LEPR: variants seen among roughly 807,000 people sequenced by gnomAD.
LEPR encodes the protein leptin receptor, also known as OB receptor.
A neutral mutation model predicts 114.7 loss-of-function variants in LEPR; 56 were observed. The ratio of observed to expected loss-of-function variants is 0.49; its 90% CI spans 0.39 to 0.61. LEPR has a LOEUF of 0.61. Among genes scored for constraint, LEPR ranks in the 20% least tolerant of loss-of-function variants. The pLI, the probability that LEPR is intolerant of heterozygous loss-of-function variation, is 0.00. For synonymous variants in LEPR, 443 were observed against 461.4 expected (o/e 0.96, Z 0.51); for missense variants, 1,202 against 1,352.9 (o/e 0.89, Z 1.75).
At chr1:65,587,831 A>G (rs540670857) in intron 5 of LEPR, among the ~76,000 whole-genome samples, 1 of 152,142 alleles carries the variant, frequency 6.6e-6, no homozygotes, top group African/African-American at 2.4e-5. Flanking sequence ...GCAGAGAAAG[A>G]CTAGGGTCTA....
At chr1:65,617,727 A>G (rs1570830128) in intron 15 of LEPR, among the ~76,000 whole-genome samples, 1 of 152,304 alleles carries the variant, frequency 6.6e-6, no homozygotes, top group Non-Finnish European at 1.5e-5. Context: ...ATATCAAAAA[A>G]TTGCTTTTTA....
intron 2 of LEPR, among the ~76,000 whole-genome samples, chr1:65,478,178 G>A (rs1647179307): frequency 6.6e-6 from 1 of 152,184 alleles, no homozygotes; most frequent in African/African-American, 2.4e-5. Flanking sequence ...GGAAGACCAA[G>A]TTTAGTGGAA....
intron 18 of LEPR, among the ~76,000 whole-genome samples, chr1:65,621,867 C>T (rs1318280580): frequency 1.3e-5 from 2 of 151,588 alleles, no homozygotes; most frequent in African/African-American, 4.9e-5. Flanking sequence ...TGGAATGTCT[C>T]TGGGAGGAGG....
intron 14 of LEPR, 92 bp from the exon 15 acceptor site, chr1:65,615,916 T>C (rs1657497108): frequency 8.4e-6 from 13 of 1,551,354 alleles, no homozygotes; most frequent in Non-Finnish European, 1.1e-5. Context: ...CCCTGCCTCC[T>C]AATAAGAAAT....
intron 2 of LEPR, chr1:65,435,559 G>A (rs1044676956): frequency 7.6e-5 from 35 of 459,210 alleles, no homozygotes; most frequent in African/African-American, 3.4e-4. Flanking sequence ...TAGTAAAGAC[G>A]GGTTTCATCG....
At chr1:65,515,315 C>T (rs767016584) in intron 2 of LEPR, among the ~76,000 whole-genome samples, 81 of 152,128 alleles carry the variant, frequency 5.3e-4, no homozygotes, top group Non-Finnish European at 1.1e-3. Flanking sequence ...TAAACTTTAT[C>T]CTGTAGGCAG....
intron 2 of LEPR, among the ~76,000 whole-genome samples, chr1:65,510,161 A>C (rs1648957325): frequency 6.6e-6 from 1 of 152,226 alleles, no homozygotes; most frequent in South Asian, 2.1e-4. Context: ...AGATAGGATT[A>C]CTGGTGATTT....
chr1:65,434,172 C>A, intron 2 of LEPR: 1 of 984,064 alleles, frequency 1.0e-6, no homozygotes, highest in Non-Finnish European at 1.2e-6. Context: ...TAGATTTGCT[C>A]TATGTCTGAA....
chr1:65,548,867 A>G (rs1652019690), intron 2 of LEPR, among the ~76,000 whole-genome samples: 1 of 152,098 alleles, frequency 6.6e-6, no homozygotes, highest in Non-Finnish European at 1.5e-5. Flanking sequence ...TTAGCTGGTT[A>G]TTTTGTTCAT....
intron 2 of LEPR, among the ~76,000 whole-genome samples, chr1:65,536,063 A>T (rs1171262): frequency 0.73 from 110,489 of 152,020 alleles, 41,251 homozygotes; most frequent in Middle Eastern, 0.9. Context: ...TTTGGATAAT[A>T]GTCCCCTCCA....
intron 2 of LEPR, among the ~76,000 whole-genome samples, chr1:65,441,858 C>G (rs1269571849): frequency 1.3e-5 from 2 of 152,118 alleles, no homozygotes; most frequent in Admixed American, 6.5e-5. Flanking sequence ...GTGGTGAAAC[C>G]CTCTCCCCTT....
chr1:65,582,968 A>G (rs1214661652), intron 5 of LEPR, among the ~76,000 whole-genome samples: 1 of 152,234 alleles, frequency 6.6e-6, no homozygotes, highest in Non-Finnish European at 1.5e-5. Context: ...AAAGTCAACA[A>G]GTGACTCTGG....
intron 5 of LEPR, among the ~76,000 whole-genome samples, chr1:65,585,399 T>C (rs1383030646): frequency 6.6e-6 from 1 of 152,024 alleles, no homozygotes; most frequent in Admixed American, 6.6e-5. Flanking sequence ...ATTCACATTT[T>C]CTGGGAAGAA....
chr1:65,442,999 A>G (rs1368845462), intron 2 of LEPR, among the ~76,000 whole-genome samples: 1 of 152,258 alleles, frequency 6.6e-6, no homozygotes, highest in Non-Finnish European at 1.5e-5. Flanking sequence ...ATAGACATGC[A>G]AAAATTAATA....
chr1:65,433,423 A>T (rs1270870546), intron 2 of LEPR: 2 of 985,250 alleles, frequency 2.0e-6, no homozygotes, highest in Non-Finnish European at 2.4e-6. Context: ...TTTGTCTAAG[A>T]TCTATTGAGA....
At chr1:65,588,655 A>G (rs1655483868) in intron 5 of LEPR, among the ~76,000 whole-genome samples, 1 of 151,926 alleles carries the variant, frequency 6.6e-6, no homozygotes, top group Non-Finnish European at 1.5e-5. Context: ...GCCTACTATT[A>G]CTCTAGCATT....
intron 18 of LEPR, among the ~76,000 whole-genome samples, chr1:65,622,262 G>A (rs1234378192): frequency 3.3e-5 from 5 of 152,182 alleles, no homozygotes; most frequent in East Asian, 1.9e-4. Flanking sequence ...GGTTAAGGAC[G>A]TTTTGTGGTG....
At chr1:65,598,018 A>G (rs1656185288) in intron 7 of LEPR, among the ~76,000 whole-genome samples, 1 of 151,676 alleles carries the variant, frequency 6.6e-6, no homozygotes, top group African/African-American at 2.4e-5. Context: ...CATTAGAGCC[A>G]GAGAATTTAT....
chr1:65,574,999 G>A (rs1654482030), intron 5 of LEPR, among the ~76,000 whole-genome samples: 1 of 152,092 alleles, frequency 6.6e-6, no homozygotes, highest in Admixed American at 6.6e-5. Context: ...TCAGTTGATG[G>A]GGGGACACTG....
Sources: gnomAD v4.1 joint callset for allele counts (sites outside exome capture counted in the v4.1 genomes callset) on GRCh38, gnomAD v4.1.1 for gene constraint, MANE v1.5 for transcripts, NCBI Gene and HGNC (gene_info 2026-07-23, HGNC 2026-07-21) for gene names.